The following SNTG1 variants were observed in gnomAD, a reference collection of about 807,000 sequenced individuals.
SNTG1 encodes gamma-1-syntrophin.
SNTG1 carries 39 observed loss-of-function variants against 74.7 expected under a neutral mutation model. That is an observed-to-expected ratio of 0.52 (90% CI 0.40 to 0.68). The LOEUF is 0.68. SNTG1 is among the 30% of genes least tolerant of loss of function. The pLI, the probability that SNTG1 is intolerant of heterozygous loss-of-function variation, is 0.00. For synonymous variants in SNTG1, 254 were observed against 217.1 expected (o/e 1.17, Z -1.49); for missense variants, 685 against 609.5 (o/e 1.12, Z -1.30).
At chr8:50,548,912 G>A (rs2094406869) in intron 11 of SNTG1, among the ~76,000 whole-genome samples, 1 of 152,176 alleles carries the variant, frequency 6.6e-6, no homozygotes, top group South Asian at 2.1e-4. Flanking sequence ...GAGGTGTGCA[G>A]AATATGTGTT....
Position 50,407,075 on chromosome 8 carries a change from A to T in SNTG1, c.162+4731A>T, listed in dbSNP as rs1002409428. Among the ~76,000 whole-genome samples the T allele has an allele frequency of 5.3e-5, 8 of 152,106 alleles. No individual in the cohort carries two copies. In the East Asian group the frequency reaches 1.5e-3, roughly 29 times the overall value. Reference sequence around the variant, plus strand: ...ATACCCTCTTTAAACTTGACCTTTCACAGTGCACTGTTTGTGTTGTATTGC... The same window carrying T: ...ATACCCTCTTTAAACTTGACCTTTCTCAGTGCACTGTTTGTGTTGTATTGC... On this transcript the variant is annotated intron_variant, in intron 4 of 18. Transcript: ENST00000642720.
chr8:50,732,041 C>A (rs1312501856), intron 17 of SNTG1, among the ~76,000 whole-genome samples: 1 of 151,914 alleles, frequency 6.6e-6, no homozygotes, highest in Non-Finnish European at 1.5e-5. Context: ...TTTGGGGTAT[C>A]CTACTGATAG....
At chr8:50,052,298 T>C (rs1271505487) in intron 1 of SNTG1, among the ~76,000 whole-genome samples, 1 of 152,092 alleles carries the variant, frequency 6.6e-6, no homozygotes, top group Non-Finnish European at 1.5e-5. Flanking sequence ...TACAACATTT[T>C]ATCAATGTGG....
intron 2 of SNTG1, among the ~76,000 whole-genome samples, chr8:50,243,838 A>G (rs1278718718): frequency 1.3e-5 from 2 of 152,192 alleles, no homozygotes; most frequent in African/African-American, 4.8e-5. Context: ...GAGGATAGGA[A>G]TAACTGATAT....
intron 2 of SNTG1, among the ~76,000 whole-genome samples, chr8:50,320,757 T>C (rs10957879): frequency 0.47 from 71,880 of 151,740 alleles, 19,417 homozygotes; most frequent in East Asian, 0.83. Flanking sequence ...TTCTTCTCAA[T>C]TTCTTCATTG....
intron 2 of SNTG1, among the ~76,000 whole-genome samples, chr8:50,324,970 T>G (rs1442241875): frequency 2.5e-5 from 3 of 121,162 alleles, no homozygotes; most frequent in East Asian, 2.4e-4. Flanking sequence ...TATATATATA[T>G]AGACAGAGAG....
Position 50,708,663 on chromosome 8 carries a change from A to C in SNTG1, c.1192-223A>C. ...AAAACTAGAGGGAGCAGGATTGGAAACTCGGCGGGGCATACACCTTGGCAA... is the reference window on the plus strand; with the variant it reads ...AAAACTAGAGGGAGCAGGATTGGAACCTCGGCGGGGCATACACCTTGGCAA... On this transcript the variant is annotated intron_variant, in intron 16 of 18. Transcript: ENST00000642720. 5.9e-6 allele frequency: 3 copies of C among 511,722 alleles called. No individual in the cohort carries two copies. In the South Asian group the frequency reaches 9.5e-5, roughly 16 times the overall value. 31.7% of individuals were successfully genotyped at this position (511,722 alleles called of 1,614,324 possible). A position where few individuals can be genotyped will look rare whatever the true frequency, so the allele number is the denominator to read the frequency against.
At chr8:50,260,144 A>C (rs756629145) in intron 2 of SNTG1, among the ~76,000 whole-genome samples, 12 of 152,228 alleles carry the variant, frequency 7.9e-5, no homozygotes, top group African/African-American at 1.2e-4. Context: ...CAAATAGTTT[A>C]CTAGAGTCTA....
chr8:50,117,350 C>T (rs1168036598), intron 1 of SNTG1, among the ~76,000 whole-genome samples: 7 of 151,888 alleles, frequency 4.6e-5, no homozygotes, highest in East Asian at 3.9e-4. Context: ...CTTGTTTATC[C>T]GGTATGATCA....
At chr8:50,478,429 G>A (rs765375332) in intron 8 of SNTG1, among the ~76,000 whole-genome samples, 68 of 152,096 alleles carry the variant, frequency 4.5e-4, no homozygotes, top group Non-Finnish European at 8.1e-4. Flanking sequence ...AATACAATTT[G>A]ATAAGCTAAA....
chr8:50,342,361 T>C (rs1370953519), intron 2 of SNTG1, among the ~76,000 whole-genome samples: 2 of 152,174 alleles, frequency 1.3e-5, no homozygotes, highest in Non-Finnish European at 2.9e-5. Flanking sequence ...ATCATCATTG[T>C]GTTTTGCATG....
At chr8:50,096,598 T>C (rs528296378) in intron 1 of SNTG1, among the ~76,000 whole-genome samples, 2 of 152,278 alleles carry the variant, frequency 1.3e-5, no homozygotes, top group African/African-American at 4.8e-5. Context: ...TCTCTGTTCA[T>C]AATATTACCT....
intron 15 of SNTG1, among the ~76,000 whole-genome samples, chr8:50,664,378 A>G (rs1220126791): frequency 6.6e-6 from 1 of 152,224 alleles, no homozygotes; most frequent in African/African-American, 2.4e-5. Context: ...TATATCAAGA[A>G]TGAGAAAAAG....
chr8:50,735,844 G>A (rs945839123), intron 17 of SNTG1, among the ~76,000 whole-genome samples: 6 of 151,926 alleles, frequency 3.9e-5, no homozygotes, highest in Non-Finnish European at 8.8e-5. Context: ...TTGAAATGAA[G>A]GAAAAAATGT....
intron 17 of SNTG1, among the ~76,000 whole-genome samples, chr8:50,713,579 T>C (rs537918107): frequency 1.8e-4 from 27 of 152,308 alleles, no homozygotes; most frequent in Admixed American, 1.7e-3. Context: ...TCTTTGCCCA[T>C]GTCTGCGTCC....
At chr8:50,657,130 A>G in intron 14 of SNTG1, 105 bp downstream of exon 14, 1 of 528,982 alleles carries the variant, frequency 1.9e-6, no homozygotes, top group Admixed American at 3.1e-5. Flanking sequence ...TTAAAAAATA[A>G]TATAGAGAAA....
intron 13 of SNTG1, among the ~76,000 whole-genome samples, chr8:50,636,970 T>C (rs544070211): frequency 6.6e-6 from 1 of 152,276 alleles, no homozygotes; most frequent in African/African-American, 2.4e-5. Flanking sequence ...ATAGCATAAT[T>C]CAGAAATTTG....
chr8:50,623,680 T>C (rs1217535325), intron 13 of SNTG1, among the ~76,000 whole-genome samples: 1 of 151,244 alleles, frequency 6.6e-6, no homozygotes, highest in African/African-American at 2.4e-5. Context: ...TCATGAAGTA[T>C]TTGAAAATAT....
intron 1 of SNTG1, among the ~76,000 whole-genome samples, chr8:49,953,749 G>A (rs999659610): frequency 6.6e-6 from 1 of 152,018 alleles, no homozygotes; most frequent in Non-Finnish European, 1.5e-5. Context: ...TGCTGATGTC[G>A]GGTCGCCCAT....
Sources: gnomAD v4.1 joint callset for allele counts (sites outside exome capture counted in the v4.1 genomes callset) on GRCh38, gnomAD v4.1.1 for gene constraint, MANE v1.5 for transcripts, NCBI Gene and HGNC (gene_info 2026-07-23, HGNC 2026-07-21) for gene names.